Variants in AFF3 observed in about 807,000 individuals in gnomAD.
The protein encoded by AFF3 is ALF transcription elongation factor 3.
A neutral mutation model predicts 129.7 loss-of-function variants in AFF3; 32 were observed. That is an observed-to-expected ratio of 0.25 (90% CI 0.19 to 0.33). The LOEUF (loss-of-function observed/expected upper bound fraction) is 0.33, where lower values mean the gene tolerates loss of function less well. AFF3 is among the 10% of genes least tolerant of loss of function. AFF3 has a pLI of 1.00. For missense variants in AFF3, 1,373 were observed against 1,592.0 expected, an observed-to-expected ratio of 0.86 and a Z score of 2.34; for synonymous variants, 644 against 635.4, an observed-to-expected ratio of 1.01 and a Z score of -0.20.
At chr2:99,958,083 A>G (rs1363013963) in intron 7 of AFF3, among the ~76,000 whole-genome samples, 1 of 152,200 alleles carries the variant, frequency 6.6e-6, no homozygotes, top group Non-Finnish European at 1.5e-5. Flanking sequence ...CACACCTACA[A>G]GAGGGACACG....
chr2:99,928,849 G>A (rs532029585), intron 7 of AFF3, among the ~76,000 whole-genome samples: 5 of 152,084 alleles, frequency 3.3e-5, no homozygotes, highest in Admixed American at 6.5e-5. Context: ...AATTAGTCCA[G>A]GGTGAGCTCA....
chr2:99,728,198 G>C (rs541656773), intron 10 of AFF3, among the ~76,000 whole-genome samples: 1 of 152,186 alleles, frequency 6.6e-6, no homozygotes, highest in Non-Finnish European at 1.5e-5. Context: ...GAGTTTCTTT[G>C]TATTTCCTTG....
At chr2:99,948,572 T>A (rs534133636) in intron 7 of AFF3, among the ~76,000 whole-genome samples, 30 of 152,312 alleles carry the variant, frequency 2.0e-4, no homozygotes, top group Non-Finnish European at 3.5e-4. Context: ...AGCGCCTCCA[T>A]GTAAGGTGCT....
intron 7 of AFF3, among the ~76,000 whole-genome samples, chr2:99,984,873 A>G (rs965448715): frequency 6.6e-6 from 1 of 152,192 alleles, no homozygotes; most frequent in Non-Finnish European, 1.5e-5. Context: ...CCTGCTGTGT[A>G]GATTTAGTCC....
At chr2:99,745,041 G>A (rs1681037559) in intron 9 of AFF3, among the ~76,000 whole-genome samples, 1 of 152,122 alleles carries the variant, frequency 6.6e-6, no homozygotes, top group African/African-American at 2.4e-5. Context: ...GTCAATGCTT[G>A]TTATTTTCCA....
In AFF3 at chr2:99,713,858, C is replaced by T. The variant is rs1190667027; in HGVS notation, c.1091+13219G>A. On this transcript the variant is annotated intron_variant, in intron 11 of 24. Transcript: ENST00000672756. ...GGATTACAGGCGCCCGCTACCATGCCCGGCTAATTTTCTTGTATTTTTAGT... is the reference window on the plus strand; with the variant it reads ...GGATTACAGGCGCCCGCTACCATGCTCGGCTAATTTTCTTGTATTTTTAGT... Among the ~76,000 whole-genome samples, 3 of 151,654 alleles carry T rather than the reference C, an allele frequency of 2.0e-5. No homozygotes were observed. In the East Asian group the frequency reaches 5.9e-4, roughly 30 times the overall value.
intron 9 of AFF3, among the ~76,000 whole-genome samples, chr2:99,747,025 A>G (rs756573752): frequency 5.3e-5 from 8 of 151,384 alleles, no homozygotes; most frequent in Non-Finnish European, 1.0e-4. Flanking sequence ...TAATTATTTT[A>G]TTTACTTATT....
chr2:99,798,768 C>T (rs764953410), intron 8 of AFF3, among the ~76,000 whole-genome samples: 5 of 151,870 alleles, frequency 3.3e-5, no homozygotes, highest in Non-Finnish European at 5.9e-5. Context: ...TGCTTATGTG[C>T]CTAACAGCAG....
intron 7 of AFF3, among the ~76,000 whole-genome samples, chr2:99,902,506 C>T (rs1238723082): frequency 6.6e-6 from 1 of 152,086 alleles, no homozygotes; most frequent in Non-Finnish European, 1.5e-5. Context: ...GCAGGTGTAC[C>T]TCATCAATGC....
intron 4 of AFF3, among the ~76,000 whole-genome samples, chr2:100,064,038 G>A (rs12998219): frequency 0.13 from 19,426 of 151,706 alleles, 1,579 homozygotes; most frequent in South Asian, 0.2. Flanking sequence ...GCAGTGAGCC[G>A]AGATCGTGCC....
At chr2:99,790,720 A>G (rs1685133410) in intron 8 of AFF3, among the ~76,000 whole-genome samples, 1 of 152,162 alleles carries the variant, frequency 6.6e-6, no homozygotes, top group Non-Finnish European at 1.5e-5. Flanking sequence ...TATCTGGCCT[A>G]AAATGTCCAT....
At chr2:99,816,563 C>A (rs1161822835) in intron 8 of AFF3, among the ~76,000 whole-genome samples, 2 of 152,142 alleles carry the variant, frequency 1.3e-5, no homozygotes, top group Non-Finnish European at 2.9e-5. Flanking sequence ...GTGAAGACTG[C>A]TATCTGCTTG....
At chr2:99,620,953 G>T (rs1281686518) in intron 13 of AFF3, among the ~76,000 whole-genome samples, 1 of 152,098 alleles carries the variant, frequency 6.6e-6, no homozygotes, top group East Asian at 1.9e-4. Flanking sequence ...CACAGATGCT[G>T]GTGCCATGCT....
intron 10 of AFF3, among the ~76,000 whole-genome samples, chr2:99,743,757 C>T (rs1250676908): frequency 6.6e-6 from 1 of 152,128 alleles, no homozygotes; most frequent in East Asian, 1.9e-4. Flanking sequence ...TCTTTGCCCA[C>T]TCATTTTCCT....
chr2:99,551,641 G>A (rs1177576310), intron 24 of AFF3, 46 bp from the exon 25 acceptor site: 1 of 1,611,984 alleles, frequency 6.2e-7, no homozygotes, highest in Non-Finnish European at 8.5e-7. Context: ...CATGCTAGGT[G>A]TGCTATCCTG....
intron 8 of AFF3, among the ~76,000 whole-genome samples, chr2:99,765,543 C>T (rs1188676623): frequency 1.3e-5 from 2 of 152,188 alleles, no homozygotes; most frequent in African/African-American, 4.8e-5. Flanking sequence ...GTGTCCTTAT[C>T]TGTAAATTGG....
chr2:99,703,637 ATT>A (rs2104802717), intron 11 of AFF3, among the ~76,000 whole-genome samples: 1 of 136,776 alleles, frequency 7.3e-6, no homozygotes, highest in South Asian at 2.3e-4. Context: ...TTTGTTTCTC[ATT>A]TCTCTCTTTT....
At chr2:100,039,638 G>T (rs113913925) in intron 4 of AFF3, among the ~76,000 whole-genome samples, 2 of 152,016 alleles carry the variant, frequency 1.3e-5, no homozygotes, top group Non-Finnish European at 2.9e-5. Flanking sequence ...AATCTTCTGC[G>T]TGGGTCCATA....
chr2:99,904,746 G>A (rs1694588753), intron 7 of AFF3, among the ~76,000 whole-genome samples: 1 of 152,136 alleles, frequency 6.6e-6, no homozygotes, highest in Non-Finnish European at 1.5e-5. Flanking sequence ...TTCCCACAGG[G>A]AGAGGGGAAG....
Sources: gnomAD v4.1 joint callset for allele counts (sites outside exome capture counted in the v4.1 genomes callset) on GRCh38, gnomAD v4.1.1 for gene constraint, MANE v1.5 for transcripts, NCBI Gene and HGNC (gene_info 2026-07-23, HGNC 2026-07-21) for gene names.